EYS: variants seen among roughly 807,000 people sequenced by gnomAD.
EYS encodes protein eyes shut homolog.
Under a neutral mutation model 282.1 loss-of-function variants are expected in EYS, and 250 were observed. The ratio of observed to expected loss-of-function variants is 0.89; its 90% CI spans 0.80 to 0.98. The LOEUF (loss-of-function observed/expected upper bound fraction) is 0.98, where lower values mean the gene tolerates loss of function less well. Among genes scored for constraint, EYS ranks in the 50% least tolerant of loss-of-function variants. The pLI is 0.00. For missense variants in EYS, 4,016 were observed against 3,709.0 expected, an observed-to-expected ratio of 1.08 and a Z score of -2.15; for synonymous variants, 1,355 against 1,282.9, an observed-to-expected ratio of 1.06 and a Z score of -1.20.
chr6:65,233,432 T>G (rs1231809344), intron 12 of EYS, among the ~76,000 whole-genome samples: 4 of 152,162 alleles, frequency 2.6e-5, no homozygotes, highest in African/African-American at 4.8e-5. Flanking sequence ...CTGATCATAT[T>G]TTCCCCTTAT....
At position 64,546,341 on chromosome 6, in the gene EYS, C is replaced by T. The variant is rs1238551157; in HGVS notation, c.5644+43882G>A. Among the ~76,000 whole-genome samples the T allele has an allele frequency of 2.6e-5, 4 of 152,304 alleles. No individual in the cohort carries two copies. In the South Asian group the frequency reaches 6.2e-4, roughly 24 times the overall value. ...CATATGTAGAAAGCTGAAACTGGAT[C>T]CGTTCCTTACACCTTATACAAAAAT... On this transcript the variant is annotated intron_variant, in intron 26 of 42. Transcript: ENST00000503581.
At chr6:65,634,238 T>C (rs754973033) in intron 2 of EYS, among the ~76,000 whole-genome samples, 1 of 152,198 alleles carries the variant, frequency 6.6e-6, no homozygotes, top group Non-Finnish European at 1.5e-5. Context: ...GGTGCCTAAC[T>C]ACATTTCTGA....
intron 2 of EYS, among the ~76,000 whole-genome samples, chr6:65,510,422 A>T (rs145504436): frequency 6.6e-6 from 1 of 152,032 alleles, no homozygotes; most frequent in African/African-American, 2.4e-5. Flanking sequence ...TCATTGATGG[A>T]CATTTGGGAA....
At chr6:63,851,887 G>A (rs1772261197) in intron 36 of EYS, among the ~76,000 whole-genome samples, 1 of 152,174 alleles carries the variant, frequency 6.6e-6, no homozygotes, top group South Asian at 2.1e-4. Context: ...GCCGGGCGCA[G>A]TGGCTCATGC....
At chr6:64,891,093 A>G (rs1257506783) in intron 18 of EYS, among the ~76,000 whole-genome samples, 2 of 151,988 alleles carry the variant, frequency 1.3e-5, no homozygotes, top group Non-Finnish European at 2.9e-5. Context: ...GTTAATAATG[A>G]TGCAAAAAGG....
intron 7 of EYS, among the ~76,000 whole-genome samples, chr6:65,391,302 T>A (rs186525277): frequency 2.6e-5 from 4 of 152,106 alleles, no homozygotes; most frequent in African/African-American, 9.7e-5. Flanking sequence ...GGCAACAATG[T>A]CCTAGATATT....
At chr6:65,068,900 T>A (rs762734345) in intron 12 of EYS, among the ~76,000 whole-genome samples, 2 of 152,070 alleles carry the variant, frequency 1.3e-5, no homozygotes, top group Admixed American at 6.6e-5. Context: ...TACCTTAGTA[T>A]ACTTTTAAAT....
chr6:65,516,250 A>G lies in EYS; in HGVS notation c.-332-20257T>C, dbSNP rs144623181. 8.3e-4 allele frequency among the ~76,000 whole-genome samples: 127 copies of G among 152,238 alleles called. 1 individual carries two copies. Among genetic ancestry groups the G allele is most frequent in the African/African-American group, 2.7e-3 (112 of 41,574 alleles). On this transcript the variant is annotated intron_variant, in intron 2 of 42. Transcript: ENST00000503581. Reference sequence around the variant, plus strand: ...GCCCATGTATATGAATAAACCTTTTATTTATATACTTGCATGTTCTATATG... The same window carrying G: ...GCCCATGTATATGAATAAACCTTTTGTTTATATACTTGCATGTTCTATATG...
intron 5 of EYS, among the ~76,000 whole-genome samples, chr6:65,441,759 A>G (rs575940085): frequency 6.6e-6 from 1 of 152,230 alleles, no homozygotes; most frequent in South Asian, 2.1e-4. Flanking sequence ...GACTAAATAT[A>G]TATCTACTTC....
chr6:64,582,158 A>G (rs142126213), intron 26 of EYS, among the ~76,000 whole-genome samples: 1 of 152,116 alleles, frequency 6.6e-6, no homozygotes, highest in East Asian at 1.9e-4. Context: ...AATTAGTCAT[A>G]GATAATATGT....
rs1309047712 is a variant in EYS at position 64,475,416 on chromosome 6, T to C, written c.5645-36064A>G. Among the ~76,000 whole-genome samples the C allele has an allele frequency of 8.3e-5, 10 of 120,208 alleles. 2 individuals carry two copies. Among genetic ancestry groups the C allele is most frequent in the African/African-American group, 2.9e-4 (10 of 34,516 alleles). 78.9% of individuals were successfully genotyped at this position (120,208 alleles called of 152,430 possible). A position where few individuals can be genotyped will look rare whatever the true frequency, so the allele number is the denominator to read the frequency against. On this transcript the variant is annotated intron_variant, in intron 26 of 42. Coordinates refer to ENST00000503581, the MANE Select transcript of EYS (RefSeq NM_001142800.2). ...AATACAAAAAATTAGCCGGGCGTAG[T>C]GGCGGGCGCCTGTAGTCCCAGCTAC...
chr6:64,538,161 C>T (rs962133088), intron 26 of EYS, among the ~76,000 whole-genome samples: 1 of 152,012 alleles, frequency 6.6e-6, no homozygotes, highest in Non-Finnish European at 1.5e-5. Flanking sequence ...TTGGCTGGTG[C>T]TCATGGTAAT....
intron 2 of EYS, among the ~76,000 whole-genome samples, chr6:65,550,094 C>G (rs905093731): frequency 6.7e-6 from 1 of 149,086 alleles, no homozygotes. Flanking sequence ...GTAGCTGAAC[C>G]TGTTTTTCCC....
rs146904256 is a variant in EYS at position 65,208,247 on chromosome 6, T to C, written c.2023+87616A>G. The stretch of plus-strand genomic sequence containing the variant: ...TCAGAGAAATGCAAATTAAACCAAA[T>C]TGAGAAATCTTATACCAGTCAGAAT... On this transcript the variant is annotated intron_variant, in intron 12 of 42. Transcript: ENST00000503581. 6.5e-3 allele frequency among the ~76,000 whole-genome samples: 981 copies of C among 151,604 alleles called. 6 individuals carry two copies. Among genetic ancestry groups the C allele is most frequent in the African/African-American group, 0.022 (914 of 41,432 alleles).
intron 19 of EYS, among the ~76,000 whole-genome samples, chr6:64,871,350 G>C: frequency 6.6e-6 from 1 of 150,822 alleles, no homozygotes; most frequent in East Asian, 2.0e-4. Context: ...TCTTGTTTTG[G>C]TCACAGAGTG....
rs191356581 is a variant in EYS, at chr6:64,019,033, C to A, written c.6726-19850G>T. On this transcript the variant is annotated intron_variant, in intron 33 of 42. Transcript: ENST00000503581. Reference sequence around the variant, plus strand: ...CAAGTGATCCACCCACCTTGGCCTCCCAAAGTGCTGGGATTACAGGTGTGA... The same window carrying A: ...CAAGTGATCCACCCACCTTGGCCTCACAAAGTGCTGGGATTACAGGTGTGA... Among the ~76,000 whole-genome samples the A allele has an allele frequency of 6.8e-3, 1,028 of 152,148 alleles. 7 individuals carry two copies. The highest frequency in any genetic ancestry group is 0.021 in the South Asian group (101 of 4,826).
At chr6:65,434,003 T>A (rs1767972715) in intron 5 of EYS, among the ~76,000 whole-genome samples, 2 of 152,162 alleles carry the variant, frequency 1.3e-5, no homozygotes, top group African/African-American at 4.8e-5. Flanking sequence ...TTCCTAAGCA[T>A]CACACTTTCA....
At chr6:64,539,014 AAC>A (rs1275014139) in intron 26 of EYS, among the ~76,000 whole-genome samples, 1 of 152,162 alleles carries the variant, frequency 6.6e-6, no homozygotes, top group Non-Finnish European at 1.5e-5. Flanking sequence ...ATCTTGTTAA[AAC>A]ACAGACTGTC....
intron 8 of EYS, among the ~76,000 whole-genome samples, chr6:65,366,052 C>A (rs1764903124): frequency 6.6e-6 from 1 of 151,722 alleles, no homozygotes; most frequent in South Asian, 2.1e-4. Context: ...GTAAACCAGA[C>A]CTAGTTTAAT....
Sources: allele counts gnomAD v4.1 joint callset (sites outside exome capture counted in the v4.1 genomes callset), GRCh38; gene constraint gnomAD v4.1.1; transcripts MANE v1.5; gene names NCBI Gene and HGNC (gene_info 2026-07-23, HGNC 2026-07-21).